Variants in SLC16A9 observed in about 807,000 individuals in gnomAD.
SLC16A9 encodes monocarboxylate transporter 9.
SLC16A9 carries 26 observed loss-of-function variants against 44.3 expected under a neutral mutation model. The ratio of observed to expected loss-of-function variants is 0.59; its 90% CI spans 0.43 to 0.81. SLC16A9 has a LOEUF of 0.81. SLC16A9 is among the 40% of genes least tolerant of loss of function. The probability of loss-of-function intolerance (pLI) is 0.00; values close to 1 mark genes in which losing one functional copy is unlikely to be tolerated. For missense variants in SLC16A9, 559 were observed against 595.8 expected (o/e 0.94, Z 0.64); for synonymous variants, 230 against 225.1 (o/e 1.02, Z -0.19).
chr10:59,661,521 T>C (rs887904598), intron 4 of SLC16A9, among the ~76,000 whole-genome samples: 10 of 152,274 alleles, frequency 6.6e-5, no homozygotes, highest in African/African-American at 2.2e-4. Flanking sequence ...TGAAAAAACC[T>C]TCCATGCTGA....
chr10:59,685,380 C>T (rs916507712), intron 1 of SLC16A9, among the ~76,000 whole-genome samples: 1 of 152,340 alleles, frequency 6.6e-6, no homozygotes, highest in Non-Finnish European at 1.5e-5. Context: ...TAAGCCTTAT[C>T]TCCTCCACAG....
At position 59,689,950 on chromosome 10, in the gene SLC16A9, T is replaced by G. The variant is rs1029758262; in HGVS notation, c.-36-5623A>C. 2.0e-5 allele frequency among the ~76,000 whole-genome samples: 3 copies of G among 152,230 alleles called. No individual in the cohort carries two copies. In the South Asian group the frequency reaches 6.2e-4, roughly 32 times the overall value. On this transcript the variant is annotated intron_variant, in intron 1 of 5. Coordinates refer to ENST00000395348, the MANE Select transcript of SLC16A9 (RefSeq NM_194298.3). ...TTCCCTTATTTGGCACTCTTTTTCATAAAAATTCCAAATTAACTAAAACTT... is the reference window on the plus strand; with the variant it reads ...TTCCCTTATTTGGCACTCTTTTTCAGAAAAATTCCAAATTAACTAAAACTT...
At chr10:59,671,706 T>C (rs374252979) in intron 3 of SLC16A9, among the ~76,000 whole-genome samples, 1 of 152,192 alleles carries the variant, frequency 6.6e-6, no homozygotes, top group South Asian at 2.1e-4. Context: ...TCAGCGACAA[T>C]AGCCATAAGT....
intron 4 of SLC16A9, among the ~76,000 whole-genome samples, chr10:59,663,343 A>G (rs914092738): frequency 6.6e-6 from 1 of 152,108 alleles, no homozygotes; most frequent in Non-Finnish European, 1.5e-5. Flanking sequence ...CCTGGGCAAC[A>G]AGAGCGCAAC....
chr10:59,681,274 A>G (rs1007087510), intron 2 of SLC16A9, among the ~76,000 whole-genome samples: 1 of 151,850 alleles, frequency 6.6e-6, no homozygotes, highest in Non-Finnish European at 1.5e-5. Flanking sequence ...GCTTGCTAAT[A>G]CTATATAAAC....
At chr10:59,659,998 G>A (rs1392322686) in intron 4 of SLC16A9, among the ~76,000 whole-genome samples, 1 of 152,164 alleles carries the variant, frequency 6.6e-6, no homozygotes, top group Non-Finnish European at 1.5e-5. Flanking sequence ...CACAGCTAAA[G>A]CAGTGTTTAC....
chr10:59,688,027 T>C (rs1401922033), intron 1 of SLC16A9, among the ~76,000 whole-genome samples: 1 of 151,732 alleles, frequency 6.6e-6, no homozygotes, highest in Non-Finnish European at 1.5e-5. Flanking sequence ...CTAAACAGCT[T>C]ACATGGCAAT....
intron 2 of SLC16A9, among the ~76,000 whole-genome samples, chr10:59,677,404 A>ATT (rs1457320425): frequency 2.6e-5 from 4 of 152,112 alleles, no homozygotes; most frequent in Non-Finnish European, 5.9e-5. Flanking sequence ...GTGTGTATTT[A>ATT]TTATACCTAT....
intron 4 of SLC16A9, among the ~76,000 whole-genome samples, chr10:59,659,155 T>C (rs915675233): frequency 6.0e-4 from 92 of 152,296 alleles, no homozygotes; most frequent in African/African-American, 2.1e-3. Context: ...TATTTAAAAA[T>C]TATATTTTAT....
chr10:59,663,349 G>A lies in SLC16A9; in HGVS notation c.436+878C>T, dbSNP rs564639953. ...ACACTCCAGCCTGGGCAACAAGAGC[G>A]CAACTCTGTCTCAAAAAAAGAAAAA... On this transcript the variant is annotated intron_variant, in intron 4 of 5. Coordinates refer to ENST00000395348, the MANE Select transcript of SLC16A9 (RefSeq NM_194298.3). Among the ~76,000 whole-genome samples the A allele has an allele frequency of 3.0e-4, 46 of 151,972 alleles. No homozygotes were observed. In the South Asian group the frequency reaches 7.3e-3, roughly 24 times the overall value.
chr10:59,657,034 G>C (rs974622068), intron 4 of SLC16A9, among the ~76,000 whole-genome samples: 5 of 152,178 alleles, frequency 3.3e-5, no homozygotes, highest in African/African-American at 1.2e-4. Context: ...TTAAGGCATA[G>C]AGGGTGTACA....
intron 3 of SLC16A9, among the ~76,000 whole-genome samples, chr10:59,667,917 C>G (rs1169685822): frequency 6.6e-6 from 1 of 152,064 alleles, no homozygotes. Flanking sequence ...CCACACTTTA[C>G]CTTCCATTTC....
chr10:59,670,897 G>C (rs572408075), intron 3 of SLC16A9, among the ~76,000 whole-genome samples: 2 of 152,074 alleles, frequency 1.3e-5, no homozygotes, highest in Admixed American at 6.5e-5. Context: ...CAACCATGGT[G>C]GTAAATATTA....
At position 59,691,844 on chromosome 10, in the gene SLC16A9, G is replaced by A. The variant is rs924075909; in HGVS notation, c.-36-7517C>T. Among the ~76,000 whole-genome samples, 5 of 152,298 alleles carry A rather than the reference G, an allele frequency of 3.3e-5. No homozygotes were observed. In the East Asian group the frequency reaches 5.8e-4, roughly 18 times the overall value. On this transcript the variant is annotated intron_variant, in intron 1 of 5. Coordinates refer to ENST00000395348, the MANE Select transcript of SLC16A9 (RefSeq NM_194298.3). ...GCTCTGGATATAGGCTGTCAGAACT[G>A]CAGGTGTGACATTTAAGAACACTGA...
intron 2 of SLC16A9, among the ~76,000 whole-genome samples, chr10:59,679,570 C>A (rs1839942518): frequency 1.3e-5 from 2 of 152,196 alleles, no homozygotes; most frequent in Non-Finnish European, 2.9e-5. Context: ...AGCCTTTCAA[C>A]AATTGAGCCA....
chr10:59,691,748 T>C (rs1345151270), intron 1 of SLC16A9, among the ~76,000 whole-genome samples: 1 of 152,214 alleles, frequency 6.6e-6, no homozygotes, highest in Non-Finnish European at 1.5e-5. Flanking sequence ...GCACCTTCGA[T>C]TATGTTTAGT....
At chr10:59,672,990 T>C in intron 2 of SLC16A9, 77 bp from the exon 3 acceptor site, 2 of 1,410,942 alleles carry the variant, frequency 1.4e-6, no homozygotes, top group Non-Finnish European at 1.9e-6. Flanking sequence ...CTTTCCACCA[T>C]AAAACAACAA....
At chr10:59,674,789 C>T (rs945954584) in intron 2 of SLC16A9, among the ~76,000 whole-genome samples, 3 of 152,140 alleles carry the variant, frequency 2.0e-5, no homozygotes, top group Admixed American at 1.3e-4. Flanking sequence ...AAGTTTCATC[C>T]TCAAAATAGG....
At chr10:59,701,184 T>A (rs113463888) in intron 1 of SLC16A9, among the ~76,000 whole-genome samples, 7 of 152,180 alleles carry the variant, frequency 4.6e-5, no homozygotes, top group African/African-American at 1.7e-4. Context: ...TTCCAGCTCT[T>A]CCTTGAATCC....
Sources: allele counts gnomAD v4.1 joint callset (sites outside exome capture counted in the v4.1 genomes callset), GRCh38; gene constraint gnomAD v4.1.1; transcripts MANE v1.5; gene names NCBI Gene and HGNC (gene_info 2026-07-23, HGNC 2026-07-21).